Variants in GNAQ observed in about 807,000 individuals in gnomAD.
GNAQ encodes guanine nucleotide-binding protein G(q) subunit alpha.
In GNAQ, 8 loss-of-function variants were observed where a neutral mutation model predicts 43.9. The observed-to-expected ratio is 0.18, with a 90% CI of 0.11 to 0.33. GNAQ has a LOEUF of 0.33. GNAQ is among the 10% of genes least tolerant of loss of function. GNAQ has a pLI of 1.00. For synonymous variants in GNAQ, 155 were observed against 170.7 expected, an observed-to-expected ratio of 0.91 and a Z score of 0.71; for missense variants, 158 against 450.8, an observed-to-expected ratio of 0.35 and a Z score of 5.88.
intron 1 of GNAQ, among the ~76,000 whole-genome samples, chr9:77,941,712 C>T (rs1039476712): frequency 6.6e-6 from 1 of 152,128 alleles, no homozygotes; most frequent in Non-Finnish European, 1.5e-5. Flanking sequence ...AAACATTCAA[C>T]GATAAGGAAT....
chr9:77,831,826 G>A (rs781738302), intron 2 of GNAQ, among the ~76,000 whole-genome samples: 1 of 152,186 alleles, frequency 6.6e-6, no homozygotes, highest in Non-Finnish European at 1.5e-5. Context: ...TGGATGAGCT[G>A]CAAGTAATAA....
intron 2 of GNAQ, among the ~76,000 whole-genome samples, chr9:77,888,023 T>A (rs552673792): frequency 4.0e-4 from 61 of 152,344 alleles, no homozygotes; most frequent in South Asian, 1.0e-3. Flanking sequence ...CTAATTACTT[T>A]CACACTAACA....
intron 2 of GNAQ, among the ~76,000 whole-genome samples, chr9:77,898,046 T>C (rs1828532103): frequency 6.6e-6 from 1 of 151,920 alleles, no homozygotes; most frequent in South Asian, 2.1e-4. Flanking sequence ...TTATTCAGAA[T>C]TATCATATAC....
At chr9:77,813,003 C>T (rs1258557068) in intron 3 of GNAQ, among the ~76,000 whole-genome samples, 2 of 151,930 alleles carry the variant, frequency 1.3e-5, no homozygotes, top group African/African-American at 2.4e-5. Context: ...ACCTCTGCCT[C>T]CCGGGTTCAA....
At chr9:77,783,050 C>T (rs1350247190) in intron 5 of GNAQ, among the ~76,000 whole-genome samples, 1 of 152,168 alleles carries the variant, frequency 6.6e-6, no homozygotes, top group African/African-American at 2.4e-5. Flanking sequence ...CCATTTTGTA[C>T]AACACTATAA....
At chr9:77,960,221 C>T (rs945099545) in intron 1 of GNAQ, among the ~76,000 whole-genome samples, 1 of 151,896 alleles carries the variant, frequency 6.6e-6, no homozygotes, top group Non-Finnish European at 1.5e-5. Flanking sequence ...CTCTTTATTT[C>T]CTTCTCTTCC....
At chr9:77,751,922 CTG>C (rs1330938354) in intron 5 of GNAQ, among the ~76,000 whole-genome samples, 1 of 152,202 alleles carries the variant, frequency 6.6e-6, no homozygotes, top group Non-Finnish European at 1.5e-5. Flanking sequence ...AAATGCGAAA[CTG>C]AATCTAAAAT....
rs529655997 is a variant in GNAQ, at chr9:78,003,777, T to C, written c.136+27323A>G. On this transcript the variant is annotated intron_variant, in intron 1 of 6. Transcript: ENST00000286548. ...GTTGCAGTCAGCCTAGATAGCGTCA[T>C]TGCACTCCATTCTGGGCTTTAGAGC... Among the ~76,000 whole-genome samples the C allele has an allele frequency of 1.1e-3, 170 of 150,852 alleles. 1 individual carries two copies. Among genetic ancestry groups the C allele is most frequent in the African/African-American group, 3.8e-3 (155 of 41,050 alleles).
At chr9:78,020,711 T>G (rs550352897) in intron 1 of GNAQ, among the ~76,000 whole-genome samples, 1 of 152,250 alleles carries the variant, frequency 6.6e-6, no homozygotes, top group East Asian at 1.9e-4. Flanking sequence ...AAAGACACAA[T>G]GGCGCTACCC....
chr9:77,955,804 G>C (rs1322906566), intron 1 of GNAQ, among the ~76,000 whole-genome samples: 2 of 152,150 alleles, frequency 1.3e-5, no homozygotes, highest in Non-Finnish European at 2.9e-5. Flanking sequence ...GTGCTCTCTA[G>C]TATAACTCTG....
At chr9:77,979,384 A>T (rs1242807580) in intron 1 of GNAQ, among the ~76,000 whole-genome samples, 1 of 151,864 alleles carries the variant, frequency 6.6e-6, no homozygotes, top group Non-Finnish European at 1.5e-5. Context: ...ATTAAATTAA[A>T]TTAAAATTAA....
intron 3 of GNAQ, among the ~76,000 whole-genome samples, chr9:77,810,369 C>T (rs1198438740): frequency 6.6e-6 from 1 of 152,138 alleles, no homozygotes; most frequent in Admixed American, 6.6e-5. Flanking sequence ...CATTCACTTA[C>T]TAAGTATGTG....
intron 2 of GNAQ, among the ~76,000 whole-genome samples, chr9:77,886,911 C>T (rs1828316379): frequency 6.6e-6 from 1 of 151,070 alleles, no homozygotes; most frequent in African/African-American, 2.4e-5. Context: ...GGGTTCAAGA[C>T]CAGCCTGGCC....
At chr9:77,722,825 A>C (rs1825337989) in intron 6 of GNAQ, among the ~76,000 whole-genome samples, 1 of 151,882 alleles carries the variant, frequency 6.6e-6, no homozygotes, top group Non-Finnish European at 1.5e-5. Flanking sequence ...GCTAATTTTT[A>C]AACTTTTTGT....
intron 1 of GNAQ, among the ~76,000 whole-genome samples, chr9:78,022,186 C>G (rs1823919537): frequency 6.6e-6 from 1 of 152,142 alleles, no homozygotes; most frequent in Non-Finnish European, 1.5e-5. Context: ...CTGGCAATGC[C>G]TCCTAGTAGA....
chr9:78,018,371 A>G (rs1823864490), intron 1 of GNAQ, among the ~76,000 whole-genome samples: 2 of 152,184 alleles, frequency 1.3e-5, no homozygotes, highest in Admixed American at 6.5e-5. Context: ...GTGCAAAAAG[A>G]GCATGGTTCT....
At chr9:77,862,191 T>A (rs74837436) in intron 2 of GNAQ, among the ~76,000 whole-genome samples, 1 of 151,936 alleles carries the variant, frequency 6.6e-6, no homozygotes, top group African/African-American at 2.4e-5. Flanking sequence ...CTCTGGGATC[T>A]GGAGGATCTC....
chr9:77,717,787 T>A lies in GNAQ; in HGVS notation c.*3536A>T, dbSNP rs1357167428. On this transcript the variant is annotated 3_prime_UTR_variant, in exon 7 of 7. Transcript: ENST00000286548. ...CTTCAGATTCCTTTTGTAGTTGTCA[T>A]CTGCTAGTAAACAACATATGCAGGT... is the stretch of plus-strand genomic sequence containing the variant. The A allele has an allele frequency of 4.3e-6, 1 of 232,458 alleles. No homozygotes were observed. The highest frequency in any genetic ancestry group is 2.2e-5 in the African/African-American group (1 of 45,312). 14.4% of individuals were successfully genotyped at this position (232,458 alleles called of 1,614,324 possible). A position where few individuals can be genotyped will look rare whatever the true frequency, so the allele number is the denominator to read the frequency against.
At position 77,828,061 on chromosome 9, in the gene GNAQ, A is replaced by G. The variant is rs997560865; in HGVS notation, c.322-12291T>C. 3.2e-5 allele frequency among the ~76,000 whole-genome samples: 3 copies of G among 94,554 alleles called. No individual in the cohort carries two copies. The East Asian group carries it at 7.9e-4, about 25-fold the overall frequency. 62.0% of individuals were successfully genotyped at this position (94,554 alleles called of 152,430 possible). A position where few individuals can be genotyped will look rare whatever the true frequency, so the allele number is the denominator to read the frequency against. Reference sequence around the variant, plus strand: ...GGCGACAGAGTGAGACTCCTCCTCAAAAAAAAAAAAAAAAAAAAAAAAAAA... The same window carrying G: ...GGCGACAGAGTGAGACTCCTCCTCAGAAAAAAAAAAAAAAAAAAAAAAAAA... On this transcript the variant is annotated intron_variant, in intron 2 of 6. Coordinates refer to ENST00000286548, the MANE Select transcript of GNAQ (RefSeq NM_002072.5).
Sources: gnomAD v4.1 joint callset for allele counts (sites outside exome capture counted in the v4.1 genomes callset) on GRCh38, gnomAD v4.1.1 for gene constraint, MANE v1.5 for transcripts, NCBI Gene and HGNC (gene_info 2026-07-23, HGNC 2026-07-21) for gene names.